MARCHF6: variants seen among roughly 807,000 people sequenced by gnomAD.
MARCHF6 encodes E3 ubiquitin-protein ligase MARCHF6.
MARCHF6 carries 31 observed loss-of-function variants against 133.7 expected under a neutral mutation model. The observed-to-expected ratio is 0.23, with a 90% confidence interval of 0.17 to 0.31. The LOEUF (loss-of-function observed/expected upper bound fraction) is 0.31, where lower values mean the gene tolerates loss of function less well. Among genes scored for constraint, MARCHF6 ranks in the 10% least tolerant of loss-of-function variants. MARCHF6 has a pLI of 1.00. For missense variants in MARCHF6, 723 were observed against 1,121.6 expected (o/e 0.64, Z 5.08); for synonymous variants, 395 against 402.5 (o/e 0.98, Z 0.22).
At chr5:10,390,629 C>T (rs1000728946) in intron 6 of MARCHF6, 129 bp downstream of exon 6, 18 of 902,192 alleles carry the variant, frequency 2.0e-5, no homozygotes, top group South Asian at 5.9e-5. Flanking sequence ...AGGAGGGCAG[C>T]GGAAAGGTTT....
At position 10,434,481 on chromosome 5, in the gene MARCHF6, C is replaced by A. The variant is rs1241570152; in HGVS notation, c.*797C>A. 2.2e-5 allele frequency: 3 copies of A among 138,004 alleles called. No homozygotes were observed. The highest frequency in any genetic ancestry group is 5.3e-5 in the African/African-American group (2 of 37,736). 8.5% of individuals were successfully genotyped at this position (138,004 alleles called of 1,614,324 possible). A position where few individuals can be genotyped will look rare whatever the true frequency, so the allele number is the denominator to read the frequency against. ...ATGAAGATTTTCATGAGTCAGCCCC[C>A]CCGCCCGCCCCCACCCCACACCCAC... On this transcript the variant is annotated 3_prime_UTR_variant, in exon 26 of 26. Transcript: ENST00000274140.
At chr5:10,389,642 T>G (rs1018548680) in intron 5 of MARCHF6, among the ~76,000 whole-genome samples, 23 of 152,226 alleles carry the variant, frequency 1.5e-4, no homozygotes, top group African/African-American at 4.8e-4. Flanking sequence ...CCTCAAGTGA[T>G]CCACCTGCCT....
chr5:10,377,817 G>C lies in MARCHF6; in HGVS notation c.39G>C (p.Arg13=), dbSNP rs866654810. 3 of 1,611,964 alleles carry C rather than the reference G, an allele frequency of 1.9e-6. 1 individual carries two copies. In the Middle Eastern group the frequency reaches 5.0e-4, roughly 267 times the overall value. The part of the protein sequence containing the change: ...TAEEDICRVC[R]SEGTPEKPLY... Reference sequence around the variant, plus strand: ...TGGCAGACATATGTAGAGTGTGTCGGTCAGAAGGAACACCTGAGAAACCGC... The same window carrying C: ...TGGCAGACATATGTAGAGTGTGTCGCTCAGAAGGAACACCTGAGAAACCGC... The change falls in exon 2 of 26, where the codon CGG becomes CGC. Residue 13 remains arginine (R), a synonymous_variant. Coordinates refer to ENST00000274140, the MANE Select transcript of MARCHF6 (RefSeq NM_005885.4).
At chr5:10,427,636 C>A (rs1740157881) in intron 24 of MARCHF6, among the ~76,000 whole-genome samples, 1 of 152,150 alleles carries the variant, frequency 6.6e-6, no homozygotes, top group Non-Finnish European at 1.5e-5. Context: ...TTAAAAAAAA[C>A]ACACAACCAA....
intron 1 of MARCHF6, among the ~76,000 whole-genome samples, chr5:10,372,598 A>G (rs757308909): frequency 5.9e-5 from 9 of 152,318 alleles, no homozygotes; most frequent in Non-Finnish European, 1.3e-4. Flanking sequence ...TAACAAATGG[A>G]TTAATGCACT....
intron 5 of MARCHF6, 32 bp downstream of exon 5, chr5:10,387,098 A>C (rs765903837): frequency 1.4e-6 from 2 of 1,446,506 alleles, no homozygotes; most frequent in Non-Finnish European, 1.9e-6. Context: ...CGAATGTTGC[A>C]TGATGTAGAT....
At chr5:10,420,602 C>T (rs1015989003) in intron 22 of MARCHF6, among the ~76,000 whole-genome samples, 2 of 152,210 alleles carry the variant, frequency 1.3e-5, no homozygotes, top group African/African-American at 2.4e-5. Flanking sequence ...CACTGTTAGC[C>T]AGGCCTTAGT....
intron 3 of MARCHF6, among the ~76,000 whole-genome samples, chr5:10,380,161 G>T (rs1242336776): frequency 6.9e-6 from 1 of 144,430 alleles, no homozygotes; most frequent in Non-Finnish European, 1.5e-5. Flanking sequence ...TTAGTTGTGT[G>T]TGTGTGTGTG....
At chr5:10,394,355 ATTT>A in intron 8 of MARCHF6, among the ~76,000 whole-genome samples, 1 of 152,324 alleles carries the variant, frequency 6.6e-6, no homozygotes, top group South Asian at 2.1e-4. Flanking sequence ...ATCTTGCTCC[ATTT>A]AGGAAATGTT....
intron 20 of MARCHF6, among the ~76,000 whole-genome samples, chr5:10,415,081 A>G (rs1739427464): frequency 1.3e-5 from 2 of 152,218 alleles, no homozygotes; most frequent in South Asian, 4.1e-4. Context: ...AATTATTTGT[A>G]ATGTTTCTAC....
intron 22 of MARCHF6, among the ~76,000 whole-genome samples, chr5:10,421,150 A>C (rs1739803443): frequency 6.6e-6 from 1 of 152,210 alleles, no homozygotes; most frequent in Admixed American, 6.5e-5. Flanking sequence ...TGGTACTATC[A>C]AAGTTTAAAA....
Position 10,353,798 on chromosome 5 carries a change from C to A in MARCHF6, c.-101C>A. The A allele has an allele frequency of 1.9e-6, 2 of 1,051,134 alleles. No homozygotes were observed. The highest frequency in any genetic ancestry group is 1.4e-5 in the South Asian group (1 of 72,066). 65.1% of individuals were successfully genotyped at this position (1,051,134 alleles called of 1,614,324 possible). A position where few individuals can be genotyped will look rare whatever the true frequency, so the allele number is the denominator to read the frequency against. ...GCTTCCTCTCTCGCACCTGAGCGTA[C>A]GCACCTGCCCGGGCCCGGCTCCCTC... On this transcript the variant is annotated 5_prime_UTR_variant, in exon 1 of 26. Coordinates refer to ENST00000274140, the MANE Select transcript of MARCHF6 (RefSeq NM_005885.4).
chr5:10,432,295 C>T (rs923648330), intron 25 of MARCHF6, among the ~76,000 whole-genome samples: 2 of 152,286 alleles, frequency 1.3e-5, no homozygotes, highest in African/African-American at 4.8e-5. Flanking sequence ...GTGGGACTGT[C>T]GGTCTCATTT....
In MARCHF6 at chr5:10,390,482, G is replaced by T. The variant is rs377282036; in HGVS notation, c.558G>T (p.Ala186=). The T allele has an allele frequency of 4.3e-5, 70 of 1,613,010 alleles. 1 individual carries two copies. In the South Asian group the frequency reaches 7.4e-4, roughly 17 times the overall value. ...LEHAAPPFNA[A]GHHQNEAPAG... ...ATGCTGCCCCACCGTTCAATGCTGC[G>T]GGGCATCACCAAAATGAGGTAACTC... The change falls in exon 6 of 26, where the codon GCG becomes GCT. Residue 186 remains alanine (A), a synonymous_variant. Transcript: ENST00000274140.
intron 25 of MARCHF6, among the ~76,000 whole-genome samples, chr5:10,431,626 A>AGTGTGTGTGTGT (rs10574367): frequency 6.7e-6 from 1 of 148,388 alleles, no homozygotes; most frequent in Non-Finnish European, 1.5e-5. Flanking sequence ...AGAGTGAGTG[A>AGTGTGTGTGTGT]GTGTGTGTGT....
intron 2 of MARCHF6, among the ~76,000 whole-genome samples, 175 bp from the exon 3 acceptor site, chr5:10,378,584 G>A (rs983706474): frequency 6.6e-6 from 1 of 152,114 alleles, no homozygotes; most frequent in Admixed American, 6.5e-5. Flanking sequence ...TCTAGCTGTT[G>A]TAGTTTTTCA....
Position 10,387,037 on chromosome 5 carries a change from A to G in MARCHF6, c.378A>G (p.Leu126=), listed in dbSNP as rs141255096. 922 of 1,612,804 alleles carry G rather than the reference A, an allele frequency of 5.7e-4. 4 individuals carry two copies. The African/African-American group carries it at 0.011, about 19-fold the overall frequency. Residue 126 remains leucine, a synonymous_variant, in exon 5 of 26, where the codon CTA becomes CTG. Transcript: ENST00000274140. The part of the protein sequence containing the change: ...KCLFTGSVSS[L]LTLPLDMLST... Reference sequence around the variant, plus strand: ...TGTTTACTGGCTCCGTGAGCTCACTACTGACGCTGCCATTAGATATGCTGT... The same window carrying G: ...TGTTTACTGGCTCCGTGAGCTCACTGCTGACGCTGCCATTAGATATGCTGT...
intron 1 of MARCHF6, among the ~76,000 whole-genome samples, chr5:10,371,807 T>C (rs1736482067): frequency 6.6e-6 from 1 of 152,208 alleles, no homozygotes; most frequent in Admixed American, 6.5e-5. Context: ...AATGCCTTCA[T>C]TAAAGTTTCT....
At chr5:10,410,400 T>C (rs1438254484) in intron 18 of MARCHF6, 124 bp downstream of exon 18, 1 of 1,194,452 alleles carries the variant, frequency 8.4e-7, no homozygotes, top group Admixed American at 3.1e-5. Flanking sequence ...GACAATTTAG[T>C]AATATTTGCA....
Sources: gnomAD v4.1 joint callset for allele counts (sites outside exome capture counted in the v4.1 genomes callset) on GRCh38, gnomAD v4.1.1 for gene constraint, MANE v1.5 for transcripts, NCBI Gene and HGNC (gene_info 2026-07-23, HGNC 2026-07-21) for gene names.